The following STX6 variants were observed in gnomAD, a reference collection of about 807,000 sequenced individuals.
STX6 encodes the protein syntaxin 6, also known as syntaxin-6.
A neutral mutation model predicts 38.0 loss-of-function variants in STX6; 23 were observed. The ratio of observed to expected loss-of-function variants is 0.60; its 90% confidence interval spans 0.43 to 0.86. The LOEUF is 0.86. STX6 is among the 40% of genes least tolerant of loss of function. The probability of loss-of-function intolerance (pLI) is 0.00; values close to 1 mark genes in which losing one functional copy is unlikely to be tolerated. For synonymous variants in STX6, 123 were observed against 107.5 expected (o/e 1.14, Z -0.89); for missense variants, 274 against 312.9 (o/e 0.88, Z 0.94).
At chr1:180,981,544 C>A (rs541711753) in intron 7 of STX6, among the ~76,000 whole-genome samples, 1 of 152,226 alleles carries the variant, frequency 6.6e-6, no homozygotes, top group East Asian at 1.9e-4. Context: ...CAACACTGAA[C>A]CAGATTTCCA....
chr1:180,996,574 A>AT lies in STX6; in HGVS notation c.301-3150dup, dbSNP rs1290148454. On this transcript the variant is annotated intron_variant, in intron 3 of 7. Coordinates refer to ENST00000258301, the MANE Select transcript of STX6 (RefSeq NM_005819.6). ...CTTTTTGTAGGATACTTTGAAAACAATTTTTTTTTTTTTGAGACAGGATTT... is the reference window on the plus strand; with the variant it reads ...CTTTTTGTAGGATACTTTGAAAACAATTTTTTTTTTTTTTGAGACAGGATTT... Among the ~76,000 whole-genome samples, 720 of 146,698 alleles carry AT rather than the reference A, an allele frequency of 4.9e-3. 6 individuals are homozygous for AT. Among genetic ancestry groups the AT allele is most frequent in the African/African-American group, 0.015 (600 of 40,334 alleles).
rs1656783777 is a variant in STX6 at position 181,022,780 on chromosome 1, T to G, written c.-107A>C. 2 of 1,202,484 alleles carry G rather than the reference T, an allele frequency of 1.7e-6. No homozygotes were observed. The highest frequency in any genetic ancestry group is 2.4e-6 in the Non-Finnish European group (2 of 843,364). 74.5% of individuals were successfully genotyped at this position (1,202,484 alleles called of 1,614,324 possible). A position where few individuals can be genotyped will look rare whatever the true frequency, so the allele number is the denominator to read the frequency against. ...GTTCCCGCAGCTGCCCGCGCCTTAG[T>G]CTGGGTGAAGCCGAGCAGCGGGCAC... is the stretch of plus-strand genomic sequence containing the variant. On this transcript the variant is annotated 5_prime_UTR_variant, in exon 1 of 8. Coordinates refer to ENST00000258301, the MANE Select transcript of STX6 (RefSeq NM_005819.6).
At chr1:181,006,419 A>G (rs971798796) in intron 1 of STX6, among the ~76,000 whole-genome samples, 7 of 150,438 alleles carry the variant, frequency 4.7e-5, no homozygotes, top group Non-Finnish European at 7.4e-5. Flanking sequence ...GCTATGATCT[A>G]GCATGCCTTT....
intron 3 of STX6, among the ~76,000 whole-genome samples, chr1:180,995,321 T>G (rs1003116440): frequency 6.6e-6 from 1 of 152,208 alleles, no homozygotes; most frequent in African/African-American, 2.4e-5. Flanking sequence ...GTCAGACTCT[T>G]GACGGCACAT....
In STX6 at chr1:181,022,620, G is replaced by C; in HGVS notation, c.35+19C>G. ...CACCGCCACCTCTTCCTCCGGTGGAGCGCTCGGCCGACACTCACCCTTTCA... is the reference window on the plus strand; with the variant it reads ...CACCGCCACCTCTTCCTCCGGTGGACCGCTCGGCCGACACTCACCCTTTCA... On this transcript the variant is annotated intron_variant, in intron 1 of 7. Transcript: ENST00000258301. 6.2e-7 allele frequency: 1 copy of C among 1,606,484 alleles called. No individual in the cohort carries two copies. Among genetic ancestry groups the C allele is most frequent in the Non-Finnish European group, 8.5e-7 (1 of 1,176,744 alleles).
rs771738421 is a variant in STX6 at position 180,976,562 on chromosome 1, C to T, written c.*8G>A. The T allele has an allele frequency of 6.2e-7, 1 of 1,613,144 alleles. No homozygotes were observed. The highest frequency in any genetic ancestry group is 1.1e-5 in the South Asian group (1 of 91,078). ...TGCAGGAGGAACTCGCACCCAGAGG[C>T]CCCGCCGTCACAGCACTAAGAAGAG... On this transcript the variant is annotated 3_prime_UTR_variant, in exon 8 of 8. Coordinates refer to ENST00000258301, the MANE Select transcript of STX6 (RefSeq NM_005819.6).
intron 3 of STX6, among the ~76,000 whole-genome samples, chr1:181,002,083 A>G (rs1656097096): frequency 6.6e-6 from 1 of 152,204 alleles, no homozygotes; most frequent in African/African-American, 2.4e-5. Flanking sequence ...GGTTGTAGTC[A>G]GCCAAGATCA....
At chr1:180,990,242 A>T (rs1571333405) in intron 4 of STX6, 133 bp from the exon 5 acceptor site, 4 of 1,173,264 alleles carry the variant, frequency 3.4e-6, no homozygotes, top group African/African-American at 1.5e-5. Flanking sequence ...GCTTTTATGT[A>T]GTGGTGTAGG....
chr1:181,022,629 C>T lies in STX6; in HGVS notation c.35+10G>A, dbSNP rs1452826724. 3.7e-6 allele frequency: 6 copies of T among 1,608,610 alleles called. No individual in the cohort carries two copies. Among genetic ancestry groups the T allele is most frequent in the Non-Finnish European group, 5.1e-6 (6 of 1,177,732 alleles). On this transcript the variant is annotated intron_variant, in intron 1 of 7. Transcript: ENST00000258301. ...CTCTTCCTCCGGTGGAGCGCTCGGC[C>T]GACACTCACCCTTTCACCACAAAGA...
chr1:181,010,642 C>CTT (rs958811739), intron 1 of STX6, among the ~76,000 whole-genome samples: 2 of 150,644 alleles, frequency 1.3e-5, no homozygotes, highest in African/African-American at 2.4e-5. Context: ...TCTTTTTTTT[C>CTT]TTTTTTTTTA....
rs1036607029 is a variant in STX6, at chr1:180,975,691, G to T, written c.*879C>A. 6.6e-6 allele frequency: 1 copy of T among 152,198 alleles called. No homozygotes were observed. The highest frequency in any genetic ancestry group is 1.5e-5 in the Non-Finnish European group (1 of 68,044). The allele number at this position is 152,198 out of a possible 1,614,324, so 9.4% of individuals were successfully genotyped here. On this transcript the variant is annotated 3_prime_UTR_variant, in exon 8 of 8. Transcript: ENST00000258301. ...ATCTGGTATCCAAATTCATTCAAGT[G>T]TGTTACTGAGCTGTTTAGCAACAAC...
intron 1 of STX6, among the ~76,000 whole-genome samples, chr1:181,011,447 T>C (rs1026368102): frequency 2.0e-5 from 3 of 152,240 alleles, no homozygotes; most frequent in African/African-American, 7.2e-5. Context: ...AAGTCTTATT[T>C]GGAAGCCAAC....
rs752906875 is a variant in STX6, at chr1:181,002,608, T to C, written c.298A>G (p.Arg100Gly). Reference protein sequence around the residue: ...AFITSTRQVVRDMKDQMSTSS... With the variant: ...AFITSTRQVVGDMKDQMSTSS... The stretch of plus-strand genomic sequence containing the variant: ...CACAATAAGATCATATTCCTTACCC[T>C]GACAACTTGCCGAGTACTTGTAATG... Residue 100 changes from arginine to glycine, a missense_variant and splice_region_variant, in exon 3 of 8, where the codon AGG (arginine) becomes GGG (glycine). Physicochemically the swap from Arg to Gly is moderately radical, Grantham distance 125. Transcript: ENST00000258301. 8 of 1,608,740 alleles carry C rather than the reference T, an allele frequency of 5.0e-6. No homozygotes were observed. In the Admixed American group the frequency reaches 1.2e-4, roughly 23 times the overall value.
chr1:180,989,894 C>T (rs1191206493), intron 5 of STX6, 90 bp downstream of exon 5: 1 of 1,505,446 alleles, frequency 6.6e-7, no homozygotes, highest in Non-Finnish European at 9.1e-7. Context: ...CTCCTTGTCA[C>T]TAAGCCACAA....
At chr1:180,983,261 C>T (rs557612490) in intron 7 of STX6, among the ~76,000 whole-genome samples, 1 of 152,208 alleles carries the variant, frequency 6.6e-6, no homozygotes, top group South Asian at 2.1e-4. Context: ...AAAAGCTAAC[C>T]TATTAGACCT....
Position 181,021,827 on chromosome 1 carries a change from T to C in STX6, c.35+812A>G, listed in dbSNP as rs921510295. Among the ~76,000 whole-genome samples, 64 of 152,192 alleles carry C rather than the reference T, an allele frequency of 4.2e-4. 3 individuals carry two copies. The highest frequency in any genetic ancestry group is 4.4e-5 in the Non-Finnish European group (3 of 68,032). On this transcript the variant is annotated intron_variant, in intron 1 of 7. Transcript: ENST00000258301. ...GAACAGAAGGCAGTCCTTTCTATTC[T>C]GAAAGGCAGAAGAAATAGGAGAAAC...
chr1:180,985,933 ACAT>A (rs1655568579), intron 6 of STX6, among the ~76,000 whole-genome samples: 1 of 152,234 alleles, frequency 6.6e-6, no homozygotes, highest in African/African-American at 2.4e-5. Context: ...ATCAACTGTT[ACAT>A]ATATGTTGAC....
intron 3 of STX6, 42 bp downstream of exon 3, chr1:181,002,564 C>T (rs1485264187): frequency 1.4e-6 from 2 of 1,422,380 alleles, no homozygotes; most frequent in African/African-American, 1.4e-5. Flanking sequence ...AGAAGTCTGG[C>T]TATTTCTTAT....
chr1:181,006,461 T>A (rs1242386190), intron 1 of STX6, among the ~76,000 whole-genome samples: 1 of 150,724 alleles, frequency 6.6e-6, no homozygotes, highest in African/African-American at 2.4e-5. Context: ...TTTTAAGAAC[T>A]TTTACCCCCA....
Sources: allele counts gnomAD v4.1 joint callset (sites outside exome capture counted in the v4.1 genomes callset), GRCh38; gene constraint gnomAD v4.1.1; transcripts MANE v1.5; gene names NCBI Gene and HGNC (gene_info 2026-07-23, HGNC 2026-07-21).